The following NCALD variants were observed in gnomAD, a reference collection of about 807,000 sequenced individuals.
NCALD encodes neurocalcin delta, also known as neurocalcin-delta.
A neutral mutation model predicts 18.6 loss-of-function variants in NCALD; 10 were observed. The observed-to-expected ratio is 0.54, with a 90% CI of 0.33 to 0.91. NCALD has a LOEUF of 0.91. NCALD is among the 40% of genes least tolerant of loss of function. The probability of loss-of-function intolerance (pLI) is 0.03; values close to 1 mark genes in which losing one functional copy is unlikely to be tolerated. For synonymous variants in NCALD, 88 were observed against 87.4 expected (o/e 1.01, Z -0.04); for missense variants, 184 against 247.6 (o/e 0.74, Z 1.72).
intron 3 of NCALD, among the ~76,000 whole-genome samples, chr8:101,914,081 A>G (rs1817894052): frequency 6.6e-6 from 1 of 152,150 alleles, no homozygotes; most frequent in African/African-American, 2.4e-5. Flanking sequence ...ACTTTAATCA[A>G]ACTTTCTTAG....
chr8:102,021,978 G>A (rs1037879812), intron 1 of NCALD, among the ~76,000 whole-genome samples: 3 of 152,118 alleles, frequency 2.0e-5, no homozygotes, highest in African/African-American at 7.2e-5. Flanking sequence ...CTGTAAAATG[G>A]ACATACAGAA....
intron 4 of NCALD, among the ~76,000 whole-genome samples, chr8:101,829,412 T>A (rs1225253226): frequency 6.6e-6 from 1 of 152,210 alleles, no homozygotes; most frequent in Admixed American, 6.5e-5. Context: ...CCACTATATT[T>A]TAAAGGTCTT....
chr8:101,969,588 A>T (rs538669505), intron 2 of NCALD, among the ~76,000 whole-genome samples: 2 of 152,266 alleles, frequency 1.3e-5, no homozygotes, highest in Admixed American at 1.3e-4. Context: ...TGATTCTCAG[A>T]CGGGGCCAAT....
At chr8:102,017,978 AG>A (rs1367769439) in intron 2 of NCALD, among the ~76,000 whole-genome samples, 1 of 152,210 alleles carries the variant, frequency 6.6e-6, no homozygotes, top group Non-Finnish European at 1.5e-5. Flanking sequence ...ATGGCAAAGT[AG>A]GACATGAAAA....
rs544157018 is a variant in NCALD at position 101,787,012 on chromosome 8, T to C, written c.-20+3850A>G. Among the ~76,000 whole-genome samples, 188 of 152,354 alleles carry C rather than the reference T, an allele frequency of 1.2e-3. No homozygotes were observed. The Middle Eastern group carries it at 0.017, about 14-fold the overall frequency. On this transcript the variant is annotated intron_variant, in intron 1 of 3. Transcript: ENST00000220931. ...CCAGTGAATTTCAATATTTATCATA[T>C]AATTTTTATATCAAAATCTTAGTGA...
intron 3 of NCALD, among the ~76,000 whole-genome samples, chr8:101,910,403 G>C (rs1221075703): frequency 7.2e-6 from 1 of 138,786 alleles, no homozygotes; most frequent in African/African-American, 3.0e-5. Flanking sequence ...CAGAATGAGA[G>C]GAGGTAATTT....
chr8:101,934,570 T>G (rs1818691504), intron 2 of NCALD, among the ~76,000 whole-genome samples: 1 of 151,288 alleles, frequency 6.6e-6, no homozygotes, highest in Non-Finnish European at 1.5e-5. Flanking sequence ...AATCTAAGAG[T>G]CGGGAGCTTC....
intron 3 of NCALD, among the ~76,000 whole-genome samples, chr8:101,897,487 G>A (rs1817241529): frequency 6.6e-6 from 1 of 150,730 alleles, no homozygotes; most frequent in Non-Finnish European, 1.5e-5. Context: ...TGCACAATGT[G>A]CACATGTACC....
intron 1 of NCALD, among the ~76,000 whole-genome samples, chr8:102,118,949 G>A (rs1825868050): frequency 6.6e-6 from 1 of 152,214 alleles, no homozygotes; most frequent in Admixed American, 6.5e-5. Flanking sequence ...AATAACAAGT[G>A]TTGATGGAAT....
At chr8:102,047,650 A>G (rs1809693422) in intron 1 of NCALD, among the ~76,000 whole-genome samples, 1 of 152,248 alleles carries the variant, frequency 6.6e-6, no homozygotes. Flanking sequence ...AGAAAATTAC[A>G]ATAAAAGGTA....
At chr8:101,972,925 G>A (rs890177312) in intron 2 of NCALD, among the ~76,000 whole-genome samples, 26 of 152,136 alleles carry the variant, frequency 1.7e-4, no homozygotes, top group African/African-American at 5.8e-4. Context: ...AGTGGGAAGA[G>A]ACAGTTGTCA....
intron 4 of NCALD, among the ~76,000 whole-genome samples, chr8:101,863,569 G>A (rs1343776869): frequency 6.6e-6 from 1 of 152,128 alleles, no homozygotes; most frequent in African/African-American, 2.4e-5. Flanking sequence ...TAAAATAACA[G>A]GGGATTGGAA....
intron 4 of NCALD, among the ~76,000 whole-genome samples, chr8:101,857,391 T>A (rs1373851620): frequency 6.6e-6 from 1 of 152,194 alleles, no homozygotes; most frequent in East Asian, 1.9e-4. Context: ...GGCACAGATG[T>A]GCATATCTAC....
intron 1 of NCALD, among the ~76,000 whole-genome samples, chr8:102,084,302 T>A (rs1824659485): frequency 6.6e-6 from 1 of 152,214 alleles, no homozygotes; most frequent in Non-Finnish European, 1.5e-5. Flanking sequence ...CTGCAGCAAC[T>A]TCACTTCTTG....
intron 1 of NCALD, among the ~76,000 whole-genome samples, chr8:102,102,418 C>G (rs186233970): frequency 9.9e-5 from 15 of 152,206 alleles, no homozygotes; most frequent in African/African-American, 3.6e-4. Flanking sequence ...TACCCCTAAC[C>G]CTTGCTGGGG....
chr8:102,068,868 G>A (rs1251577263), intron 1 of NCALD, among the ~76,000 whole-genome samples: 1 of 152,190 alleles, frequency 6.6e-6, no homozygotes, highest in Admixed American at 6.5e-5. Flanking sequence ...AGAAAATTCT[G>A]TCATTGGCAG....
chr8:102,102,146 G>A (rs1362789989), intron 1 of NCALD, among the ~76,000 whole-genome samples: 3 of 152,112 alleles, frequency 2.0e-5, no homozygotes, highest in Non-Finnish European at 4.4e-5. Flanking sequence ...TTGATTGCTA[G>A]GCAATAATAT....
chr8:101,894,594 A>G (rs1817068835), intron 3 of NCALD, among the ~76,000 whole-genome samples: 1 of 144,376 alleles, frequency 6.9e-6, no homozygotes, highest in Non-Finnish European at 1.5e-5. Context: ...TGAAAGGATC[A>G]ACAAAATTGA....
intron 2 of NCALD, among the ~76,000 whole-genome samples, chr8:101,966,758 T>TA (rs1321866111): frequency 1.3e-5 from 2 of 152,074 alleles, no homozygotes; most frequent in Non-Finnish European, 2.9e-5. Flanking sequence ...GAGTCTACCT[T>TA]AAAAGAATAA....
Sources: allele counts gnomAD v4.1 joint callset (sites outside exome capture counted in the v4.1 genomes callset), GRCh38; gene constraint gnomAD v4.1.1; transcripts MANE v1.5; gene names NCBI Gene and HGNC (gene_info 2026-07-23, HGNC 2026-07-21).